The following CYP2C18 variants were observed in gnomAD, a reference collection of about 807,000 sequenced individuals.
CYP2C18 encodes the protein cytochrome P450 2C18.
A neutral mutation model predicts 41.3 loss-of-function variants in CYP2C18; 38 were observed. That is an observed-to-expected ratio of 0.92 (90% confidence interval 0.71 to 1.21). CYP2C18 has a LOEUF of 1.21. Ranked by LOEUF, CYP2C18 falls within the 50% of genes most tolerant of loss-of-function variation. CYP2C18 has a pLI of 0.00. For missense variants in CYP2C18, 635 were observed against 591.4 expected (o/e 1.07, Z -0.77); for synonymous variants, 236 against 210.0 (o/e 1.12, Z -1.07).
chr10:94,698,855 A>G (rs1015779936), intron 4 of CYP2C18, among the ~76,000 whole-genome samples: 6 of 152,242 alleles, frequency 3.9e-5, no homozygotes, highest in Admixed American at 2.6e-4. Flanking sequence ...AAACACCTCT[A>G]TGCAAATACA....
chr10:94,712,008 A>ATTTT lies in CYP2C18; in HGVS notation c.819+5065_819+5068dup, dbSNP rs35672164. Among the ~76,000 whole-genome samples the ATTTT allele has an allele frequency of 3.3e-3, 321 of 97,838 alleles. 18 individuals are homozygous for ATTTT. The highest frequency in any genetic ancestry group is 0.012 in the African/African-American group (288 of 23,336). 64.2% of individuals were successfully genotyped at this position (97,838 alleles called of 152,430 possible). On this transcript the variant is annotated intron_variant, in intron 5 of 8. Transcript: ENST00000285979. Reference sequence around the variant, plus strand: ...AGGTGCATGCCACCATGCCCAACTAATTTTTTTTTTTTTTTTTTTTGTAGA... The same window carrying ATTTT: ...AGGTGCATGCCACCATGCCCAACTAATTTTTTTTTTTTTTTTTTTTTTTTGTAGA...
intron 4 of CYP2C18, among the ~76,000 whole-genome samples, chr10:94,702,150 T>C (rs1034468495): frequency 6.6e-6 from 1 of 152,228 alleles, no homozygotes. Context: ...AACCTTTCTC[T>C]CTGGCTGCCC....
chr10:94,687,065 T>C (rs1175514687), intron 1 of CYP2C18, among the ~76,000 whole-genome samples: 5 of 152,192 alleles, frequency 3.3e-5, no homozygotes, highest in Non-Finnish European at 5.9e-5. Context: ...GCCATCTGGG[T>C]GGTAACAGAA....
At position 94,706,637 on chromosome 10, in the gene CYP2C18, G is replaced by A. The variant is rs1847347941; in HGVS notation, c.643-147G>A. 7.6e-6 allele frequency: 4 copies of A among 528,284 alleles called. No individual in the cohort carries two copies. The African/African-American group carries it at 7.6e-5, about 10-fold the overall frequency. The allele number at this position is 528,284 out of a possible 1,614,324, so 32.7% of individuals were successfully genotyped here. On this transcript the variant is annotated intron_variant, in intron 4 of 8. Coordinates refer to ENST00000285979, the MANE Select transcript of CYP2C18 (RefSeq NM_000772.3). ...ACTTAAATCTTTCTATCAGTATAGA[G>A]GACTACTTTGTACGTATAATCAAAT...
intron 5 of CYP2C18, 43 bp from the exon 6 acceptor site, chr10:94,720,353 C>T (rs373336479): frequency 9.9e-6 from 15 of 1,519,678 alleles, no homozygotes; most frequent in Non-Finnish European, 1.3e-5. Flanking sequence ...ATTTAATATG[C>T]TGGCAAACTA....
intron 7 of CYP2C18, among the ~76,000 whole-genome samples, chr10:94,727,162 G>T (rs1173027402): frequency 6.6e-6 from 1 of 152,066 alleles, no homozygotes; most frequent in Non-Finnish European, 1.5e-5. Context: ...TGTAATACAG[G>T]GTTAGAAATA....
chr10:94,722,623 A>G (rs979819236), intron 6 of CYP2C18, among the ~76,000 whole-genome samples: 1 of 152,106 alleles, frequency 6.6e-6, no homozygotes, highest in Non-Finnish European at 1.5e-5. Context: ...CCCAAAGAAC[A>G]TAGAGGGAGA....
chr10:94,723,414 T>C (rs1321975489), intron 6 of CYP2C18, among the ~76,000 whole-genome samples: 1 of 152,122 alleles, frequency 6.6e-6, no homozygotes, highest in Non-Finnish European at 1.5e-5. Context: ...GATTGATTAT[T>C]TGATTATTTT....
rs181445839 is a variant in CYP2C18 at position 94,687,528 on chromosome 10, G to T, written c.169-242G>T. ...TTATCTGTAAAATAGAGTAAACAAG[G>T]TGTTGATGTGATGATTAAGTTTAAT... is the stretch of plus-strand genomic sequence containing the variant. On this transcript the variant is annotated intron_variant, in intron 1 of 8. Coordinates refer to ENST00000285979, the MANE Select transcript of CYP2C18 (RefSeq NM_000772.3). Among the ~76,000 whole-genome samples the T allele has an allele frequency of 3.5e-3, 526 of 152,294 alleles. 17 individuals are homozygous for T. The highest frequency in any genetic ancestry group is 0.03 in the Admixed American group (456 of 15,290).
intron 4 of CYP2C18, among the ~76,000 whole-genome samples, chr10:94,696,242 G>C (rs754377896): frequency 6.6e-6 from 1 of 152,132 alleles, no homozygotes; most frequent in Non-Finnish European, 1.5e-5. Flanking sequence ...AGTAGGGGCA[G>C]ACTGACACCT....
chr10:94,719,229 G>T (rs567555530), intron 5 of CYP2C18, among the ~76,000 whole-genome samples: 1 of 151,852 alleles, frequency 6.6e-6, no homozygotes, highest in East Asian at 1.9e-4. Context: ...AATTAAGATT[G>T]TATATATACA....
At chr10:94,691,619 A>G (rs571705220) in intron 3 of CYP2C18, among the ~76,000 whole-genome samples, 1 of 152,322 alleles carries the variant, frequency 6.6e-6, no homozygotes, top group African/African-American at 2.4e-5. Flanking sequence ...TATAGATTCA[A>G]TGTCATCCCC....
rs1460259370 is a variant in CYP2C18, at chr10:94,684,315, ACT to A, written c.168+331_168+332del. Among the ~76,000 whole-genome samples the A allele has an allele frequency of 6.6e-5, 10 of 152,116 alleles. No individual in the cohort carries two copies. In the East Asian group the frequency reaches 1.7e-3, roughly 26 times the overall value. ...AGCTTATTCCTCCTATCTAAGTGTA[ACT>A]CTGTACCTGTTGACCAACGTATCCC... On this transcript the variant is annotated intron_variant, in intron 1 of 8. Transcript: ENST00000285979.
intron 5 of CYP2C18, among the ~76,000 whole-genome samples, chr10:94,715,162 AC>A (rs1486427219): frequency 2.0e-5 from 3 of 152,254 alleles, no homozygotes; most frequent in African/African-American, 7.2e-5. Context: ...CTAATTGAAT[AC>A]CCTTTATTTC....
At chr10:94,700,511 C>T (rs1847216781) in intron 4 of CYP2C18, among the ~76,000 whole-genome samples, 1 of 152,100 alleles carries the variant, frequency 6.6e-6, no homozygotes, top group South Asian at 2.1e-4. Context: ...GACCTAAAAC[C>T]ATAAAAACCG....
intron 4 of CYP2C18, among the ~76,000 whole-genome samples, chr10:94,695,536 C>G (rs1370012915): frequency 6.6e-6 from 1 of 152,096 alleles, no homozygotes; most frequent in Non-Finnish European, 1.5e-5. Flanking sequence ...CTTAGTTTGG[C>G]TGGATGTGAA....
intron 5 of CYP2C18, among the ~76,000 whole-genome samples, chr10:94,713,090 G>A (rs1247119425): frequency 6.6e-6 from 1 of 152,018 alleles, no homozygotes; most frequent in East Asian, 1.9e-4. Context: ...ATGCATGTCT[G>A]TGTGTATATA....
chr10:94,733,089 A>G (rs1471446275), intron 7 of CYP2C18, among the ~76,000 whole-genome samples: 2 of 152,076 alleles, frequency 1.3e-5, no homozygotes, highest in East Asian at 3.9e-4. Flanking sequence ...TTCAAGTGCA[A>G]TTAATTGGAG....
chr10:94,718,380 C>G (rs1847591904), intron 5 of CYP2C18, among the ~76,000 whole-genome samples: 1 of 152,042 alleles, frequency 6.6e-6, no homozygotes, highest in African/African-American at 2.4e-5. Flanking sequence ...TAAGATCATG[C>G]CATCAGCAAA....
Sources: gnomAD v4.1 joint callset for allele counts (sites outside exome capture counted in the v4.1 genomes callset) on GRCh38, gnomAD v4.1.1 for gene constraint, MANE v1.5 for transcripts, NCBI Gene and HGNC (gene_info 2026-07-23, HGNC 2026-07-21) for gene names.